The following JAKMIP2 variants were observed in gnomAD, a reference collection of about 807,000 sequenced individuals.
JAKMIP2 encodes the protein janus kinase and microtubule interacting protein 2.
In JAKMIP2, 25 loss-of-function variants were observed where a neutral mutation model predicts 115.0. The observed-to-expected ratio is 0.22, with a 90% CI of 0.16 to 0.30. The LOEUF is 0.30. Ranked by LOEUF, JAKMIP2 falls within the 10% of genes least tolerant of loss-of-function variation. The pLI is 1.00. For synonymous variants in JAKMIP2, 334 were observed against 343.6 expected (o/e 0.97, Z 0.31); for missense variants, 642 against 957.6 (o/e 0.67, Z 4.35).
intron 1 of JAKMIP2, among the ~76,000 whole-genome samples, chr5:147,694,133 T>G (rs1022791935): frequency 6.6e-6 from 1 of 152,184 alleles, no homozygotes; most frequent in African/African-American, 2.4e-5. Flanking sequence ...TGTCCTGGTG[T>G]CAAATGTGAT....
Position 147,589,223 on chromosome 5 carries a change from G to T in JAKMIP2, c.*2484C>A, listed in dbSNP as rs1318881982. On this transcript the variant is annotated 3_prime_UTR_variant, in exon 22 of 22. Transcript: ENST00000616793. ...GCACTTTGGGAGGCTGAGGCAGGCA[G>T]ATCACTTGAGGTCAGGAGTTCGAGA... The T allele has an allele frequency of 6.6e-6, 1 of 152,262 alleles. No individual in the cohort carries two copies. The highest frequency in any genetic ancestry group is 2.4e-5 in the African/African-American group (1 of 41,416). 9.4% of individuals were successfully genotyped at this position (152,262 alleles called of 1,614,324 possible). A position where few individuals can be genotyped will look rare whatever the true frequency, so the allele number is the denominator to read the frequency against.
At chr5:147,687,893 A>G (rs762172002) in intron 1 of JAKMIP2, among the ~76,000 whole-genome samples, 1 of 152,232 alleles carries the variant, frequency 6.6e-6, no homozygotes, top group Non-Finnish European at 1.5e-5. Flanking sequence ...CACAAAATGA[A>G]GACTTTTAAA....
chr5:147,650,028 G>A (rs1271251827), intron 4 of JAKMIP2, among the ~76,000 whole-genome samples: 1 of 152,124 alleles, frequency 6.6e-6, no homozygotes, highest in Non-Finnish European at 1.5e-5. Context: ...GTGTAGGCAA[G>A]AGGCAAAATA....
At chr5:147,723,848 T>C (rs527927489) in intron 1 of JAKMIP2, among the ~76,000 whole-genome samples, 1 of 152,240 alleles carries the variant, frequency 6.6e-6, no homozygotes, top group Admixed American at 6.5e-5. Flanking sequence ...ATTAACACTT[T>C]ACAAAATATA....
intron 3 of JAKMIP2, among the ~76,000 whole-genome samples, chr5:147,652,490 G>A (rs1027417786): frequency 6.6e-6 from 1 of 152,040 alleles, no homozygotes; most frequent in African/African-American, 2.4e-5. Flanking sequence ...AGAATTCTCT[G>A]GGGAAATTTT....
intron 16 of JAKMIP2, among the ~76,000 whole-genome samples, chr5:147,626,550 T>C (rs2126671003): frequency 6.6e-6 from 1 of 152,306 alleles, no homozygotes; most frequent in Non-Finnish European, 1.5e-5. Context: ...TCTACCTTTT[T>C]TGTGCTTCAG....
intron 1 of JAKMIP2, among the ~76,000 whole-genome samples, chr5:147,777,273 GA>G (rs1454069518): frequency 6.6e-6 from 1 of 152,180 alleles, no homozygotes; most frequent in African/African-American, 2.4e-5. Flanking sequence ...TGTATCATAA[GA>G]AGTATTTAAA....
intron 2 of JAKMIP2, among the ~76,000 whole-genome samples, chr5:147,668,576 C>A (rs1248502518): frequency 6.6e-6 from 1 of 152,162 alleles, no homozygotes. Flanking sequence ...ATTTTGAGCA[C>A]CTCCTACAGG....
chr5:147,742,134 G>T (rs1754160631), intron 1 of JAKMIP2, among the ~76,000 whole-genome samples: 2 of 101,944 alleles, frequency 2.0e-5, no homozygotes, highest in Admixed American at 1.1e-4. Flanking sequence ...TAGCCCTGTG[G>T]ATCATTATAT....
intron 1 of JAKMIP2, among the ~76,000 whole-genome samples, chr5:147,709,985 C>T (rs1752721275): frequency 6.6e-6 from 1 of 152,144 alleles, no homozygotes; most frequent in African/African-American, 2.4e-5. Context: ...CTCTATTAGG[C>T]TGGAAATTAT....
At chr5:147,765,785 A>G (rs552270498) in intron 1 of JAKMIP2, among the ~76,000 whole-genome samples, 1 of 152,230 alleles carries the variant, frequency 6.6e-6, no homozygotes, top group African/African-American at 2.4e-5. Context: ...ATATTTTTAT[A>G]TTTCCTTCAG....
intron 20 of JAKMIP2, among the ~76,000 whole-genome samples, chr5:147,611,231 T>C (rs1756300299): frequency 6.6e-6 from 1 of 152,096 alleles, no homozygotes; most frequent in Non-Finnish European, 1.5e-5. Context: ...CACTGGGGTA[T>C]GAAATAAAAA....
intron 1 of JAKMIP2, among the ~76,000 whole-genome samples, chr5:147,735,900 G>T (rs957170309): frequency 1.3e-5 from 2 of 152,148 alleles, no homozygotes; most frequent in African/African-American, 2.4e-5. Flanking sequence ...GGTTTGAAGT[G>T]AGTAGTTTCA....
chr5:147,621,169 A>C (rs1250232624), intron 17 of JAKMIP2, among the ~76,000 whole-genome samples: 1 of 152,232 alleles, frequency 6.6e-6, no homozygotes, highest in Non-Finnish European at 1.5e-5. Flanking sequence ...TAGCAAACAT[A>C]AGGACAAAAA....
chr5:147,652,405 T>C (rs1758445144), intron 3 of JAKMIP2, among the ~76,000 whole-genome samples: 1 of 152,166 alleles, frequency 6.6e-6, no homozygotes, highest in Admixed American at 6.5e-5. Context: ...TGCGTAGCAG[T>C]TATGAGCATG....
chr5:147,631,613 C>T, intron 13 of JAKMIP2, 102 bp from the exon 14 acceptor site: 1 of 633,882 alleles, frequency 1.6e-6, no homozygotes, highest in Admixed American at 3.6e-5. Flanking sequence ...TTATTACTGT[C>T]ATTTGGCAAA....
chr5:147,646,893 TCTA>T (rs1184539900), intron 5 of JAKMIP2, among the ~76,000 whole-genome samples: 9 of 151,650 alleles, frequency 5.9e-5, no homozygotes, highest in African/African-American at 2.2e-4. Flanking sequence ...ATATTATTGT[TCTA>T]CATATAAAGT....
chr5:147,601,219 T>C (rs751922060), intron 21 of JAKMIP2, among the ~76,000 whole-genome samples: 58 of 152,174 alleles, frequency 3.8e-4, no homozygotes, highest in Non-Finnish European at 7.1e-4. Context: ...TTTCTAATAA[T>C]CACCCAAATA....
chr5:147,707,326 C>T (rs1483690450), intron 1 of JAKMIP2, among the ~76,000 whole-genome samples: 1 of 152,176 alleles, frequency 6.6e-6, no homozygotes, highest in African/African-American at 2.4e-5. Context: ...TAAATTAACT[C>T]ATTTCTTTTC....
Sources: allele counts gnomAD v4.1 joint callset (sites outside exome capture counted in the v4.1 genomes callset), GRCh38; gene constraint gnomAD v4.1.1; transcripts MANE v1.5; gene names NCBI Gene and HGNC (gene_info 2026-07-23, HGNC 2026-07-21).